Variants in GTF2IRD1 observed in about 807,000 individuals in gnomAD.
GTF2IRD1 encodes the protein general transcription factor II-I repeat domain-containing protein 1.
A neutral mutation model predicts 113.2 loss-of-function variants in GTF2IRD1; 26 were observed. That is an observed-to-expected ratio of 0.23 (90% CI 0.17 to 0.32). The LOEUF (loss-of-function observed/expected upper bound fraction) is 0.32. Among genes scored for constraint, GTF2IRD1 ranks in the 10% least tolerant of loss-of-function variants. The probability of loss-of-function intolerance (pLI) is 1.00; values close to 1 mark genes in which losing one functional copy is unlikely to be tolerated. For synonymous variants in GTF2IRD1, 484 were observed against 529.1 expected (o/e 0.91, Z 1.17); for missense variants, 864 against 1,280.8 (o/e 0.67, Z 4.97).
At chr7:74,557,585 C>G in intron 19 of GTF2IRD1, 54 bp from the exon 20 acceptor site, 4 of 1,215,216 alleles carry the variant, frequency 3.3e-6, no homozygotes, top group Non-Finnish European at 4.8e-6. Context: ...TTAAAAGTCA[C>G]CAAGTGCTTT....
intron 17 of GTF2IRD1, among the ~76,000 whole-genome samples, chr7:74,549,778 G>A (rs1799188374): frequency 6.6e-6 from 1 of 152,256 alleles, no homozygotes; most frequent in South Asian, 2.1e-4. Flanking sequence ...GCTCACGCCT[G>A]TAATCCCAGC....
At chr7:74,539,761 G>A in intron 13 of GTF2IRD1, 118 bp from the exon 14 acceptor site, 5 of 597,208 alleles carry the variant, frequency 8.4e-6, no homozygotes, top group Non-Finnish European at 5.9e-6. Context: ...AAAAAAAAAA[G>A]AGACAGAAAG....
intron 1 of GTF2IRD1, among the ~76,000 whole-genome samples, chr7:74,481,403 T>C (rs2117116467): frequency 6.6e-6 from 1 of 152,230 alleles, no homozygotes; most frequent in East Asian, 1.9e-4. Context: ...GCAATCCTCC[T>C]GCTTCTCTGG....
rs782207760 is a variant in GTF2IRD1 at position 74,519,594 on chromosome 7, A to C, written c.791A>C (p.Asn264Thr). ...ASFLYSTALP[N>T]HAIRELKQEA... ...TTCCTGTACAGCACGGCGCTCCCCAACCACGCCATCCGAGAGCTCAAGCAG... is the reference window on the plus strand; with the variant it reads ...TTCCTGTACAGCACGGCGCTCCCCACCCACGCCATCCGAGAGCTCAAGCAG... The change falls in exon 6 of 27, where the codon AAC (asparagine) becomes ACC (threonine). Residue 264 changes from asparagine (N) to threonine (T), a missense_variant. Physicochemically the swap from Asn to Thr is moderately conservative, Grantham distance 65 (BLOSUM62 0). Coordinates refer to ENST00000424337, the MANE Select transcript of GTF2IRD1 (RefSeq NM_005685.4). 4 of 1,612,702 alleles carry C rather than the reference A, an allele frequency of 2.5e-6. No homozygotes were observed. The highest frequency in any genetic ancestry group is 2.5e-6 in the Non-Finnish European group (3 of 1,179,778).
chr7:74,573,197 T>C (rs587773660), intron 22 of GTF2IRD1, among the ~76,000 whole-genome samples: 1 of 152,040 alleles, frequency 6.6e-6, no homozygotes, highest in Admixed American at 6.6e-5. Context: ...GCTTGAGCAA[T>C]CCTGGAGTTC....
At chr7:74,564,471 C>A (rs11979983) in intron 22 of GTF2IRD1, among the ~76,000 whole-genome samples, 27,092 of 152,108 alleles carry the variant, frequency 0.18, 2,498 homozygotes, top group Middle Eastern at 0.26. Context: ...ATGACTCAGG[C>A]CAGACGTGGT....
chr7:74,464,514 A>G (rs1584452452), intron 1 of GTF2IRD1, among the ~76,000 whole-genome samples: 1 of 152,074 alleles, frequency 6.6e-6, no homozygotes, highest in African/African-American at 2.4e-5. Flanking sequence ...TGGTGTGATC[A>G]CGGCTCATGG....
chr7:74,492,837 G>A (rs551945790), intron 1 of GTF2IRD1, among the ~76,000 whole-genome samples: 8 of 151,962 alleles, frequency 5.3e-5, no homozygotes, highest in South Asian at 2.1e-4. Flanking sequence ...GCTTGTGGCC[G>A]CATCACTCCA....
chr7:74,513,203 G>C (rs1177111183), intron 3 of GTF2IRD1, among the ~76,000 whole-genome samples: 2 of 152,236 alleles, frequency 1.3e-5, no homozygotes, highest in African/African-American at 4.8e-5. Context: ...ACTTCCATCT[G>C]CCTTTTCCAG....
intron 1 of GTF2IRD1, among the ~76,000 whole-genome samples, chr7:74,458,269 T>C (rs1554327968): frequency 1.3e-5 from 2 of 152,096 alleles, no homozygotes; most frequent in East Asian, 3.8e-4. Context: ...AAGGAATTCA[T>C]AGCAGAGGTG....
chr7:74,477,562 A>G (rs1296647158), intron 1 of GTF2IRD1, among the ~76,000 whole-genome samples: 5 of 152,066 alleles, frequency 3.3e-5, no homozygotes, highest in South Asian at 2.1e-4. Context: ...CCCTCAGACA[A>G]CTTCTAGCCC....
chr7:74,584,983 G>A (rs1275623785), intron 22 of GTF2IRD1, among the ~76,000 whole-genome samples: 1 of 152,090 alleles, frequency 6.6e-6, no homozygotes, highest in Admixed American at 6.6e-5. Context: ...TGTACTTTTA[G>A]TTGAGACGGG....
At chr7:74,569,019 T>G (rs369193980) in intron 22 of GTF2IRD1, among the ~76,000 whole-genome samples, 2 of 152,026 alleles carry the variant, frequency 1.3e-5, no homozygotes, top group South Asian at 2.1e-4. Context: ...GGGAGCAGGG[T>G]GGGTTTCTGC....
At chr7:74,524,232 C>A in intron 8 of GTF2IRD1, 78 bp downstream of exon 8, 1 of 971,434 alleles carries the variant, frequency 1.0e-6, no homozygotes, top group Non-Finnish European at 1.6e-6. Flanking sequence ...CACTCGTGTT[C>A]CCCAACACGG....
chr7:74,602,503 T>G lies in GTF2IRD1; in HGVS notation c.*70T>G. 1 of 1,324,056 alleles carries G rather than the reference T, an allele frequency of 7.6e-7. No individual in the cohort carries two copies. Among genetic ancestry groups the G allele is most frequent in the Non-Finnish European group, 1.1e-6 (1 of 919,782 alleles). The allele number at this position is 1,324,056 out of a possible 1,614,324, so 82.0% of individuals were successfully genotyped here. On this transcript the variant is annotated 3_prime_UTR_variant, in exon 27 of 27. Coordinates refer to ENST00000424337, the MANE Select transcript of GTF2IRD1 (RefSeq NM_005685.4). ...ATGTAATTTATGTACAAAATGTATA[T>G]TCGGATATGTATCGATGCCTTTTAG...
chr7:74,510,132 C>T (rs544895801), intron 2 of GTF2IRD1, among the ~76,000 whole-genome samples: 64 of 152,122 alleles, frequency 4.2e-4, no homozygotes, highest in African/African-American at 1.5e-3. Context: ...GGCTGGGTGC[C>T]ACACTCTCTC....
intron 22 of GTF2IRD1, among the ~76,000 whole-genome samples, chr7:74,564,648 C>T (rs1485673602): frequency 1.3e-5 from 2 of 152,084 alleles, no homozygotes; most frequent in African/African-American, 4.8e-5. Flanking sequence ...CCCAGCTACT[C>T]GGGAGGCTGA....
At chr7:74,596,932 G>A (rs1278204614) in intron 25 of GTF2IRD1, among the ~76,000 whole-genome samples, 4 of 152,138 alleles carry the variant, frequency 2.6e-5, no homozygotes, top group African/African-American at 7.2e-5. Flanking sequence ...ATGGTAGTAG[G>A]CACTTGTAGT....
At chr7:74,601,369 C>T in intron 26 of GTF2IRD1, 189 bp downstream of exon 26, 2 of 1,519,948 alleles carry the variant, frequency 1.3e-6, no homozygotes, top group Non-Finnish European at 1.8e-6. Flanking sequence ...CCATCCTTCT[C>T]GTGGGGTACT....
Sources: allele counts gnomAD v4.1 joint callset (sites outside exome capture counted in the v4.1 genomes callset), GRCh38; gene constraint gnomAD v4.1.1; transcripts MANE v1.5; gene names NCBI Gene and HGNC (gene_info 2026-07-23, HGNC 2026-07-21).